The following CATSPERB variants were observed in gnomAD, a reference collection of about 807,000 sequenced individuals.
CATSPERB encodes the protein cation channel sperm-associated auxiliary subunit beta.
CATSPERB carries 93 observed loss-of-function variants against 128.3 expected under a neutral mutation model. The observed-to-expected ratio is 0.72, with a 90% CI of 0.61 to 0.86. The LOEUF (loss-of-function observed/expected upper bound fraction) is 0.86. Ranked by LOEUF, CATSPERB falls within the 40% of genes least tolerant of loss-of-function variation. CATSPERB has a pLI of 0.00. For missense variants in CATSPERB, 1,153 were observed against 1,329.5 expected (o/e 0.87, Z 2.06); for synonymous variants, 381 against 448.8 (o/e 0.85, Z 1.91).
At chr14:91,590,376 C>T (rs1161158827) in intron 23 of CATSPERB, among the ~76,000 whole-genome samples, 1 of 151,904 alleles carries the variant, frequency 6.6e-6, no homozygotes, top group African/African-American at 2.4e-5. Flanking sequence ...ACTGAAAATA[C>T]AAAAATTAGC....
intron 22 of CATSPERB, chr14:91,603,341 C>T: frequency 1.2e-6 from 2 of 1,606,562 alleles, no homozygotes; most frequent in South Asian, 1.1e-5. Context: ...GTGGTTTCAA[C>T]ACTACATCAG....
At chr14:91,698,982 C>A (rs2139850149) in intron 7 of CATSPERB, among the ~76,000 whole-genome samples, 1 of 152,294 alleles carries the variant, frequency 6.6e-6, no homozygotes, top group South Asian at 2.1e-4. Context: ...TGTGTTACTT[C>A]ACTTAGAATA....
intron 15 of CATSPERB, among the ~76,000 whole-genome samples, chr14:91,647,884 G>A (rs953428754): frequency 3.9e-5 from 6 of 152,046 alleles, no homozygotes; most frequent in African/African-American, 1.2e-4. Flanking sequence ...TAGCTTTTCA[G>A]GTTATCAATT....
intron 15 of CATSPERB, among the ~76,000 whole-genome samples, chr14:91,656,850 C>T (rs920981941): frequency 6.6e-6 from 1 of 151,788 alleles, no homozygotes; most frequent in Non-Finnish European, 1.5e-5. Flanking sequence ...CAAAAGAGAG[C>T]AGAAGTCACT....
intron 5 of CATSPERB, chr14:91,709,118 C>T (rs1454500008): frequency 1.3e-5 from 2 of 152,274 alleles, no homozygotes; most frequent in African/African-American, 4.8e-5. Context: ...GCCATGGCTA[C>T]ACTGGTGGCT....
chr14:91,603,451 G>A (rs1893642646), intron 22 of CATSPERB: 6 of 1,487,072 alleles, frequency 4.0e-6, no homozygotes, highest in Non-Finnish European at 5.6e-6. Context: ...AGTTATACCA[G>A]ATGAGTGGGC....
intron 17 of CATSPERB, among the ~76,000 whole-genome samples, chr14:91,626,639 A>T (rs1377341443): frequency 6.6e-6 from 1 of 152,050 alleles, no homozygotes; most frequent in East Asian, 1.9e-4. Context: ...GCGTGCTCAC[A>T]TGTGCTCACC....
At chr14:91,599,733 G>T (rs1244637754) in intron 22 of CATSPERB, among the ~76,000 whole-genome samples, 1 of 152,030 alleles carries the variant, frequency 6.6e-6, no homozygotes, top group African/African-American at 2.4e-5. Flanking sequence ...TCTGGAAGGG[G>T]AGGACAACTT....
At chr14:91,660,063 GC>G in intron 14 of CATSPERB, 82 bp from the exon 15 acceptor site, 1 of 1,232,250 alleles carries the variant, frequency 8.1e-7, no homozygotes, top group Non-Finnish European at 1.1e-6. Context: ...CATGAGAATA[GC>G]CATGTGGCAT....
At chr14:91,697,247 G>A (rs930767510) in intron 7 of CATSPERB, among the ~76,000 whole-genome samples, 10 of 152,112 alleles carry the variant, frequency 6.6e-5, no homozygotes, top group Admixed American at 1.3e-4. Context: ...GGTTGGGCAG[G>A]CAAGGAGGAA....
intron 10 of CATSPERB, among the ~76,000 whole-genome samples, chr14:91,687,041 T>C (rs1895388654): frequency 6.6e-6 from 1 of 152,084 alleles, no homozygotes; most frequent in African/African-American, 2.4e-5. Context: ...GTATATAGTA[T>C]AATAAAAGGA....
chr14:91,714,243 G>T (rs146060787), intron 5 of CATSPERB, among the ~76,000 whole-genome samples: 113 of 134,686 alleles, frequency 8.4e-4, no homozygotes, highest in African/African-American at 3.0e-3. Context: ...TTTCATACTG[G>T]AATCATACTA....
At chr14:91,661,449 G>C (rs1324627488) in intron 14 of CATSPERB, among the ~76,000 whole-genome samples, 1 of 150,210 alleles carries the variant, frequency 6.7e-6, no homozygotes, top group African/African-American at 2.5e-5. Flanking sequence ...TCATTTATCT[G>C]CCTATTTGTA....
At chr14:91,622,820 T>C (rs2139788973) in intron 18 of CATSPERB, among the ~76,000 whole-genome samples, 1 of 152,276 alleles carries the variant, frequency 6.6e-6, no homozygotes, top group Non-Finnish European at 1.5e-5. Flanking sequence ...TCTCATAATT[T>C]TTCGAACCCA....
At chr14:91,617,477 T>C (rs1893962611) in intron 20 of CATSPERB, 120 bp downstream of exon 20, 1 of 654,182 alleles carries the variant, frequency 1.5e-6, no homozygotes. Flanking sequence ...AACCCTATAC[T>C]CTTATGTGTG....
intron 3 of CATSPERB, 61 bp from the exon 4 acceptor site, chr14:91,723,250 A>G: frequency 1.6e-6 from 2 of 1,278,246 alleles, no homozygotes; most frequent in Non-Finnish European, 2.1e-6. Context: ...CACACAAGTT[A>G]GTTAATCTAA....
At chr14:91,606,489 TGAGGC>T (rs1295420016) in intron 22 of CATSPERB, among the ~76,000 whole-genome samples, 1 of 150,638 alleles carries the variant, frequency 6.6e-6, no homozygotes, top group East Asian at 2.0e-4. Flanking sequence ...CTTGAACCCC[TGAGGC>T]GGAGGTTGCA....
chr14:91,664,652 A>C (rs1894948201), intron 14 of CATSPERB, among the ~76,000 whole-genome samples: 1 of 152,212 alleles, frequency 6.6e-6, no homozygotes, highest in Admixed American at 6.5e-5. Flanking sequence ...AGTGAAGGAC[A>C]TCTTGGTTGC....
chr14:91,647,064 C>G (rs1228542272), intron 15 of CATSPERB, among the ~76,000 whole-genome samples: 1 of 152,114 alleles, frequency 6.6e-6, no homozygotes, highest in Non-Finnish European at 1.5e-5. Context: ...ACTAAAAATA[C>G]AAAAATTAGC....
Sources: gnomAD v4.1 joint callset for allele counts (sites outside exome capture counted in the v4.1 genomes callset) on GRCh38, gnomAD v4.1.1 for gene constraint, MANE v1.5 for transcripts, NCBI Gene and HGNC (gene_info 2026-07-23, HGNC 2026-07-21) for gene names.